The following ZNF469 variants were observed in gnomAD, a reference collection of about 807,000 sequenced individuals.
ZNF469 encodes zinc finger protein 469.
A neutral mutation model predicts 1.0 loss-of-function variants in ZNF469; 1 was observed. The observed-to-expected ratio is 1.00, with a 90% CI of 0.35 to 4.73. ZNF469 has a LOEUF of 4.73. Among genes scored for constraint, ZNF469 ranks in the 30% most tolerant of loss-of-function variants. The pLI is 0.16. For missense variants in ZNF469, 6,100 were observed against 5,356.3 expected (o/e 1.14, Z -4.33); for synonymous variants, 2,703 against 2,363.4 (o/e 1.14, Z -4.17).
At chr16:88,253,058 A>T in the ZNF469 span, among the ~76,000 whole-genome samples, 420 of 152,334 alleles carry the variant, frequency 2.8e-3, 2 homozygotes, top group Non-Finnish European at 4.8e-3. Context: ...ATCACTGAGC[A>T]AGAGTCCATG....
At chr16:88,122,332 A>G in the ZNF469 span, among the ~76,000 whole-genome samples, 1 of 151,114 alleles carries the variant, frequency 6.6e-6, no homozygotes, top group African/African-American at 2.4e-5. Flanking sequence ...TGGTGTGGCC[A>G]CGGCAGCCAC....
the ZNF469 span, among the ~76,000 whole-genome samples, chr16:88,281,175 G>A: frequency 6.3e-5 from 8 of 127,948 alleles, no homozygotes; most frequent in African/African-American, 1.6e-4. Context: ...TGCTGATGTC[G>A]GTGCACAGGT....
the ZNF469 span, among the ~76,000 whole-genome samples, chr16:88,221,571 G>A: frequency 3.9e-5 from 6 of 152,200 alleles, no homozygotes; most frequent in African/African-American, 9.6e-5. Flanking sequence ...TCCTTGCCCC[G>A]GCTGCGGGCC....
At chr16:88,324,665 T>C in the ZNF469 span, among the ~76,000 whole-genome samples, 13 of 152,324 alleles carry the variant, frequency 8.5e-5, no homozygotes, top group South Asian at 2.7e-3. Flanking sequence ...CTGTAGCTGT[T>C]TTTATACCCA....
the ZNF469 span, among the ~76,000 whole-genome samples, chr16:88,234,306 C>T: frequency 1.3e-5 from 2 of 152,212 alleles, no homozygotes; most frequent in Admixed American, 6.5e-5. Context: ...TGTCAGCTTC[C>T]TATATTATAG....
rs2142315439 is a variant in ZNF469, at chr16:88,437,706, C to T, written c.10236C>T (p.Arg3412=). 1 of 1,549,850 alleles carries T rather than the reference C, an allele frequency of 6.5e-7. No individual in the cohort carries two copies. ...GCGAGCTCTGCGCCACGGTTATGCG[C>T]ATCATCAAGAAGTCCTTCGCCTGCA... ...YACELCATVM[R]IIKKSFACSS... is the part of the protein sequence containing the mutation. The change falls in exon 3 of 3, where the codon CGC becomes CGT. Residue 3412 remains arginine (R), a synonymous_variant. Coordinates refer to ENST00000565624, the MANE Select transcript of ZNF469 (RefSeq NM_001367624.2).
the ZNF469 span, chr16:88,192,317 A>G: frequency 6.6e-6 from 1 of 152,044 alleles, no homozygotes; most frequent in Non-Finnish European, 1.5e-5. Context: ...TTTCCTTGGC[A>G]CTCACCAGGC....
At chr16:88,253,923 C>T in the ZNF469 span, among the ~76,000 whole-genome samples, 34 of 151,944 alleles carry the variant, frequency 2.2e-4, no homozygotes, top group Non-Finnish European at 3.7e-4. Context: ...CAGTTCCATG[C>T]CAAATCTACA....
chr16:88,266,866 C>T, the ZNF469 span, among the ~76,000 whole-genome samples: 2 of 152,320 alleles, frequency 1.3e-5, no homozygotes, highest in East Asian at 1.9e-4. Flanking sequence ...CCCTGCCTTC[C>T]GAAGGCAGTT....
At chr16:88,295,673 C>G in the ZNF469 span, among the ~76,000 whole-genome samples, 1 of 152,134 alleles carries the variant, frequency 6.6e-6, no homozygotes, top group Non-Finnish European at 1.5e-5. Context: ...TCGGTGCACA[C>G]AAAGACATAC....
chr16:88,121,232 G>C, the ZNF469 span, among the ~76,000 whole-genome samples: 2 of 63,552 alleles, frequency 3.1e-5, no homozygotes, highest in African/African-American at 1.1e-4. Context: ...TGAAGGGGGG[G>C]AGGTTGGGGG....
chr16:88,113,595 T>C, the ZNF469 span, among the ~76,000 whole-genome samples: 1 of 152,154 alleles, frequency 6.6e-6, no homozygotes, highest in African/African-American at 2.4e-5. Flanking sequence ...AAGGCCATGC[T>C]TTTTGGGTCT....
chr16:88,272,799 T>A, the ZNF469 span, among the ~76,000 whole-genome samples: 1 of 148,316 alleles, frequency 6.7e-6, no homozygotes, highest in African/African-American at 2.5e-5. Flanking sequence ...GGTGGGTGTG[T>A]GGATAGACGA....
At chr16:88,399,488 A>AT (rs1904793797) in intron 1 of ZNF469, among the ~76,000 whole-genome samples, 1 of 152,066 alleles carries the variant, frequency 6.6e-6, no homozygotes, top group Non-Finnish European at 1.5e-5. Context: ...GCCAGGCAGG[A>AT]GGGGGCTGCG....
the ZNF469 span, among the ~76,000 whole-genome samples, chr16:88,107,385 C>G: frequency 6.6e-6 from 1 of 152,308 alleles, no homozygotes; most frequent in East Asian, 1.9e-4. Flanking sequence ...AAATGCAGAG[C>G]AAAGGTGGGA....
the ZNF469 span, among the ~76,000 whole-genome samples, chr16:88,280,942 G>A: frequency 1.4e-4 from 21 of 152,074 alleles, 1 homozygote; most frequent in African/African-American, 4.1e-4. Context: ...GCTGATGCTT[G>A]GTCAGTACCA....
At chr16:88,216,367 G>A in the ZNF469 span, among the ~76,000 whole-genome samples, 3 of 152,024 alleles carry the variant, frequency 2.0e-5, no homozygotes, top group Non-Finnish European at 4.4e-5. Context: ...GGTGGTGGGT[G>A]CCTGTAGTCC....
chr16:88,317,007 G>C, the ZNF469 span, among the ~76,000 whole-genome samples: 1 of 152,208 alleles, frequency 6.6e-6, no homozygotes, highest in African/African-American at 2.4e-5. Context: ...TCCCAACCCA[G>C]CTGGAAGGGG....
intron 1 of ZNF469, among the ~76,000 whole-genome samples, chr16:88,409,552 AG>A (rs1005844926): frequency 1.6e-4 from 24 of 152,104 alleles, no homozygotes; most frequent in African/African-American, 2.4e-5. Flanking sequence ...CACCAGGGGC[AG>A]GGGGCCAGCC....
Sources: allele counts gnomAD v4.1 joint callset (sites outside exome capture counted in the v4.1 genomes callset), GRCh38; gene constraint gnomAD v4.1.1; transcripts MANE v1.5; gene names NCBI Gene and HGNC (gene_info 2026-07-23, HGNC 2026-07-21).